Variants in IL31RA observed in about 807,000 individuals in gnomAD.
The protein encoded by IL31RA is interleukin 31 receptor A, also known as interleukin-31 receptor subunit alpha.
In IL31RA, 66 loss-of-function variants were observed where a neutral mutation model predicts 83.7. The ratio of observed to expected loss-of-function variants is 0.79; its 90% CI spans 0.65 to 0.97. The LOEUF (loss-of-function observed/expected upper bound fraction) is 0.97, where lower values mean the gene tolerates loss of function less well. Among genes scored for constraint, IL31RA ranks in the 50% least tolerant of loss-of-function variants. The pLI is 0.00. For missense variants in IL31RA, 798 were observed against 919.4 expected, an observed-to-expected ratio of 0.87 and a Z score of 1.71; for synonymous variants, 325 against 329.0, an observed-to-expected ratio of 0.99 and a Z score of 0.13.
Position 55,922,710 on chromosome 5 carries a change from A to G in IL31RA, c.*5590A>G, listed in dbSNP as rs1434704214. On this transcript the variant is annotated 3_prime_UTR_variant, in exon 15 of 15. Coordinates refer to ENST00000652347, the MANE Select transcript of IL31RA (RefSeq NM_139017.7). ...TTTGGGCCTTTCATACAAAAAAGCC[A>G]TAATACCATTTTCATGTAATGCTAT... 2.2e-6 allele frequency: 1 copy of G among 460,942 alleles called. No individual in the cohort carries two copies. The highest frequency in any genetic ancestry group is 3.8e-6 in the Non-Finnish European group (1 of 261,276). The allele number at this position is 460,942 out of a possible 1,614,324, so 28.6% of individuals were successfully genotyped here.
chr5:55,842,558 T>C, the IL31RA span, among the ~76,000 whole-genome samples: 1 of 152,212 alleles, frequency 6.6e-6, no homozygotes, highest in Non-Finnish European at 1.5e-5. Flanking sequence ...AATGTCCCTT[T>C]CTCTAAATAA....
the IL31RA span, among the ~76,000 whole-genome samples, chr5:55,843,003 C>T: frequency 6.6e-6 from 1 of 152,166 alleles, no homozygotes; most frequent in South Asian, 2.1e-4. Flanking sequence ...CTTCTGCTGC[C>T]CAAATTCTTT....
At position 55,870,024 on chromosome 5, in the gene IL31RA, T is replaced by C. The variant is rs185373564; in HGVS notation, c.272+1116T>C. On this transcript the variant is annotated intron_variant, in intron 3 of 14. Coordinates refer to ENST00000652347, the MANE Select transcript of IL31RA (RefSeq NM_139017.7). ...ACTGATATAGCTACGAGAACCTATG[T>C]CAGAGAGATGCTTTAAAACAGGAGT... is the stretch of plus-strand genomic sequence containing the variant. Among the ~76,000 whole-genome samples the C allele has an allele frequency of 3.9e-3, 596 of 152,318 alleles. 2 individuals carry two copies. The highest frequency in any genetic ancestry group is 6.4e-3 in the Non-Finnish European group (436 of 68,032).
In IL31RA at chr5:55,922,572, C is replaced by T. The variant is rs1297707909; in HGVS notation, c.*5452C>T. ...GACTGGGTATGTGGTCTTTTCCACACATGGACCACCTACGGATGCAATCTG... is the reference window on the plus strand; with the variant it reads ...GACTGGGTATGTGGTCTTTTCCACATATGGACCACCTACGGATGCAATCTG... On this transcript the variant is annotated 3_prime_UTR_variant, in exon 15 of 15. Coordinates refer to ENST00000652347, the MANE Select transcript of IL31RA (RefSeq NM_139017.7). 2 of 660,658 alleles carry T rather than the reference C, an allele frequency of 3.0e-6. No individual in the cohort carries two copies. The highest frequency in any genetic ancestry group is 5.3e-6 in the Non-Finnish European group (2 of 376,994). The allele number at this position is 660,658 out of a possible 1,614,324, so 40.9% of individuals were successfully genotyped here.
rs34217814 is a variant in IL31RA, at chr5:55,881,716, A to ATTTTTTT, written c.455-1305_455-1299dup. Among the ~76,000 whole-genome samples, 9 of 59,652 alleles carry ATTTTTTT rather than the reference A, an allele frequency of 1.5e-4. 2 individuals carry two copies. The highest frequency in any genetic ancestry group is 2.9e-4 in the Admixed American group (1 of 3,416). 39.1% of individuals were successfully genotyped at this position (59,652 alleles called of 152,430 possible). ...TGAGCCCACTCGCCCAGTTCCTGAG[A>ATTTTTTT]TTTTTTTTTTTTTTTTTTTTTTTTT... is the stretch of plus-strand genomic sequence containing the variant. On this transcript the variant is annotated intron_variant, in intron 4 of 14. Transcript: ENST00000652347.
In IL31RA at chr5:55,907,469, G is replaced by A. The variant is rs776282934; in HGVS notation, c.1354+9G>A. 1.3e-6 allele frequency: 2 copies of A among 1,569,584 alleles called. No individual in the cohort carries two copies. The highest frequency in any genetic ancestry group is 1.7e-4 in the Middle Eastern group (1 of 5,990). On this transcript the variant is annotated intron_variant, in intron 10 of 14. Coordinates refer to ENST00000652347, the MANE Select transcript of IL31RA (RefSeq NM_139017.7). The stretch of plus-strand genomic sequence containing the variant: ...TTATGCCAAAGAAGGCGGTATGAAT[G>A]GACAAGACCCTGTGGGGAAAAGGAA...
rs1745063331 is a variant in IL31RA at position 55,851,463 on chromosome 5, A to T, written c.-108A>T. ...AAAAGGCAAAAAATTGCAAAAAAAA[A>T]TAGTAATAACCAGCATGGCACTAAA... On this transcript the variant is annotated 5_prime_UTR_variant, in exon 1 of 15. Coordinates refer to ENST00000652347, the MANE Select transcript of IL31RA (RefSeq NM_139017.7). The T allele has an allele frequency of 1.9e-6, 3 of 1,605,922 alleles. No individual in the cohort carries two copies. Among genetic ancestry groups the T allele is most frequent in the Admixed American group, 1.7e-5 (1 of 59,446 alleles).
At chr5:55,911,411 C>T (rs1015208412) in intron 12 of IL31RA, among the ~76,000 whole-genome samples, 4 of 152,134 alleles carry the variant, frequency 2.6e-5, no homozygotes, top group Admixed American at 6.6e-5. Flanking sequence ...TATCACTGTA[C>T]AACAGGGCCT....
At chr5:55,847,997 A>G (rs939538879), upstream of IL31RA, among the ~76,000 whole-genome samples, 1 of 152,250 alleles carries the variant, frequency 6.6e-6, no homozygotes, top group Non-Finnish European at 1.5e-5. Context: ...GAAACCACAA[A>G]GATGAAATAC....
chr5:55,870,198 C>T (rs774576710), intron 3 of IL31RA, among the ~76,000 whole-genome samples: 9 of 152,188 alleles, frequency 5.9e-5, no homozygotes, highest in South Asian at 2.1e-4. Flanking sequence ...TGCTTTCCAA[C>T]GAAACTTTAT....
chr5:55,873,626 G>T (rs1373933782), intron 4 of IL31RA, among the ~76,000 whole-genome samples: 1 of 151,796 alleles, frequency 6.6e-6, no homozygotes, highest in African/African-American at 2.4e-5. Context: ...CCTTGTTATG[G>T]TTCTGATTTG....
chr5:55,840,404 A>C, the IL31RA span, among the ~76,000 whole-genome samples: 1 of 152,224 alleles, frequency 6.6e-6, no homozygotes, highest in Non-Finnish European at 1.5e-5. Flanking sequence ...CAGTTGTATC[A>C]AGTGCTGCTA....
rs527853140 is a variant in IL31RA, at chr5:55,859,573, C to T, written c.128C>T (p.Pro43Leu). 1.9e-6 allele frequency: 3 copies of T among 1,612,670 alleles called. No individual in the cohort carries two copies. Among genetic ancestry groups the T allele is most frequent in the East Asian group, 4.5e-5 (2 of 44,860 alleles). Residue 43 changes from proline to leucine, a missense_variant, in exon 2 of 15, where the codon CCC (proline) becomes CTC (leucine). Pro to Leu is a moderately conservative substitution (Grantham distance 98). Coordinates refer to ENST00000652347, the MANE Select transcript of IL31RA (RefSeq NM_139017.7). Reference sequence around the variant, plus strand: ...TGGACCTGGGCACTGTGGATGCTCCCCTCACTCTGCAAATTCAGCCTGGCA... The same window carrying T: ...TGGACCTGGGCACTGTGGATGCTCCTCTCACTCTGCAAATTCAGCCTGGCA... Reference protein sequence around the residue: ...MMWTWALWMLPSLCKFSLAAL... With the variant: ...MMWTWALWMLLSLCKFSLAAL...
intron 5 of IL31RA, among the ~76,000 whole-genome samples, chr5:55,886,056 A>G (rs553298506): frequency 3.8e-4 from 58 of 152,176 alleles, no homozygotes; most frequent in Admixed American, 1.8e-3. Flanking sequence ...TATAACACTA[A>G]GTGAGGGCAA....
At chr5:55,846,738 G>C (rs1744936565), upstream of IL31RA, among the ~76,000 whole-genome samples, 1 of 152,180 alleles carries the variant, frequency 6.6e-6, no homozygotes, top group Non-Finnish European at 1.5e-5. Flanking sequence ...AGTTCAGTGA[G>C]CCAAGATCAT....
At chr5:55,867,150 T>G (rs1746135468) in intron 2 of IL31RA, among the ~76,000 whole-genome samples, 1 of 128,322 alleles carries the variant, frequency 7.8e-6, no homozygotes, top group South Asian at 2.8e-4. Context: ...TGTGTGTGCA[T>G]GTGTGTTTGT....
In IL31RA at chr5:55,903,896, C is replaced by T. The variant is rs748162031; in HGVS notation, c.1070-2210C>T. On this transcript the variant is annotated intron_variant, in intron 8 of 14. Transcript: ENST00000652347. This position sits in a 1 kb window ranked among gnomAD's most constrained non-coding sequence, Gnocchi z 4.7. Reference sequence around the variant, plus strand: ...ATGGTCCTGGAGGCCAGAAGTCCCACATCAAGGTGCTGGTTGGCCATGCTC... The same window carrying T: ...ATGGTCCTGGAGGCCAGAAGTCCCATATCAAGGTGCTGGTTGGCCATGCTC... Among the ~76,000 whole-genome samples, 71 of 152,338 alleles carry T rather than the reference C, an allele frequency of 4.7e-4. No homozygotes were observed. Among genetic ancestry groups the T allele is most frequent in the Admixed American group, 2.0e-4 (3 of 15,308 alleles).
At chr5:55,896,750 C>T (rs1413521010) in intron 7 of IL31RA, among the ~76,000 whole-genome samples, 4 of 44,074 alleles carry the variant, frequency 9.1e-5, no homozygotes, top group Non-Finnish European at 1.8e-4. Flanking sequence ...CTTCCCTTGC[C>T]TTGCCTTGCC....
chr5:55,884,505 G>A (rs1747458410), intron 5 of IL31RA, among the ~76,000 whole-genome samples: 1 of 152,190 alleles, frequency 6.6e-6, no homozygotes, highest in Admixed American at 6.5e-5. Flanking sequence ...TGTGATTGCA[G>A]CTCATTGCAG....
Sources: allele counts gnomAD v4.1 joint callset (sites outside exome capture counted in the v4.1 genomes callset), GRCh38; gene constraint gnomAD v4.1.1; non-coding constraint Gnocchi (gnomAD v3.1); transcripts MANE v1.5; gene names NCBI Gene and HGNC (gene_info 2026-07-23, HGNC 2026-07-21).